Variants in DCAF8L2 observed in about 807,000 individuals in gnomAD.
DCAF8L2 encodes DDB1- and CUL4-associated factor 8-like protein 2.
For synonymous variants in DCAF8L2, 200 were observed against 190.9 expected (o/e 1.05, Z -0.39); for missense variants, 430 against 490.7 (o/e 0.88, Z 1.17).
chrX:27,593,418 G>C (rs1304890699), intron 1 of DCAF8L2, among the ~76,000 whole-genome samples: 4 of 112,086 alleles, frequency 3.6e-5, no homozygotes, highest in African/African-American at 1.3e-4. Context: ...CCTTTTTCAA[G>C]GCAGAATAAT....
intron 4 of DCAF8L2, among the ~76,000 whole-genome samples, chrX:27,728,253 A>AT (rs1920998202): frequency 1.8e-5 from 2 of 111,303 alleles, no homozygotes; most frequent in Non-Finnish European, 3.8e-5. Flanking sequence ...ATTTAACACA[A>AT]TTTTTTTACA....
At chrX:27,502,659 T>G in the DCAF8L2 span, among the ~76,000 whole-genome samples, 1 of 110,036 alleles carries the variant, frequency 9.1e-6, no homozygotes, top group Non-Finnish European at 1.9e-5. Context: ...AAATCTATGT[T>G]TAAAACTTCA....
chrX:27,579,398 C>T, the DCAF8L2 span, among the ~76,000 whole-genome samples: 4 of 109,040 alleles, frequency 3.7e-5, no homozygotes, highest in East Asian at 2.9e-4. Context: ...CACACATTGG[C>T]GCCTGTTGGG....
chrX:27,497,797 G>A, the DCAF8L2 span, among the ~76,000 whole-genome samples: 1 of 111,448 alleles, frequency 9.0e-6, no homozygotes, highest in Non-Finnish European at 1.9e-5. Context: ...TCAAACTCCT[G>A]ACCTCGTGAT....
chrX:27,592,869 G>T (rs889246191), intron 1 of DCAF8L2, among the ~76,000 whole-genome samples: 1 of 108,549 alleles, frequency 9.2e-6, no homozygotes, highest in Non-Finnish European at 1.9e-5. Context: ...CACAGTCTTG[G>T]CTCACTGCAA....
intron 2 of DCAF8L2, among the ~76,000 whole-genome samples, chrX:27,662,863 T>C (rs1929603762): frequency 8.9e-6 from 1 of 111,779 alleles, no homozygotes; most frequent in African/African-American, 3.2e-5. Context: ...ATTGATCTGA[T>C]GCACAGAAGT....
chrX:27,694,933 A>G lies in DCAF8L2; in HGVS notation c.-143+17021A>G, dbSNP rs73532471. Among the ~76,000 whole-genome samples the G allele has an allele frequency of 4.1e-3, 461 of 112,263 alleles. 1 individual carries two copies. Among genetic ancestry groups the G allele is most frequent in the African/African-American group, 0.014 (436 of 30,985 alleles). On this transcript the variant is annotated intron_variant, in intron 3 of 4. Transcript: ENST00000451261. ...AATAACACTCCAACTACACTGTAGGATATTTTTATTCAAGAAGGACCACCT... is the reference window on the plus strand; with the variant it reads ...AATAACACTCCAACTACACTGTAGGGTATTTTTATTCAAGAAGGACCACCT...
At chrX:27,519,616 A>ACTC in the DCAF8L2 span, 1 of 646,210 alleles carries the variant, frequency 1.5e-6, no homozygotes, top group Non-Finnish European at 2.6e-6. Context: ...TGATGAGAAT[A>ACTC]ATGCTGAGGC....
At chrX:27,623,685 C>T (rs895317305) in intron 1 of DCAF8L2, among the ~76,000 whole-genome samples, 1 of 110,533 alleles carries the variant, frequency 9.0e-6, no homozygotes, top group East Asian at 2.8e-4. Flanking sequence ...CATAGCAGCC[C>T]GAGTATGATT....
Position 27,620,140 on chromosome X carries a change from A to G in DCAF8L2, c.-341-11739A>G, listed in dbSNP as rs5971416. 7.0e-3 allele frequency among the ~76,000 whole-genome samples: 788 copies of G among 112,018 alleles called. 6 individuals are homozygous for G. Among genetic ancestry groups the G allele is most frequent in the Non-Finnish European group, 0.011 (592 of 53,146 alleles). On this transcript the variant is annotated intron_variant, in intron 1 of 4. Transcript: ENST00000451261. ...TCATATATACATTGACAAAAATTTG[A>G]GAGCTCAATATCACCCTCTGTTGGC...
At chrX:27,531,989 C>T in the DCAF8L2 span, among the ~76,000 whole-genome samples, 1 of 110,406 alleles carries the variant, frequency 9.1e-6, no homozygotes, top group Non-Finnish European at 1.9e-5. Flanking sequence ...CTAACCTGAT[C>T]AAAGAATTGG....
the DCAF8L2 span, among the ~76,000 whole-genome samples, chrX:27,494,039 T>C: frequency 8.9e-6 from 1 of 112,173 alleles, no homozygotes; most frequent in South Asian, 3.7e-4. Flanking sequence ...TTTTGGTTAC[T>C]ACATATAATG....
At chrX:27,579,653 C>A in the DCAF8L2 span, among the ~76,000 whole-genome samples, 1 of 107,619 alleles carries the variant, frequency 9.3e-6, no homozygotes, top group Non-Finnish European at 1.9e-5. Context: ...CACACACACA[C>A]ACACACACAA....
chrX:27,740,711 C>T lies in DCAF8L2; in HGVS notation c.-58-6127C>T, dbSNP rs144297187. 4.0e-3 allele frequency among the ~76,000 whole-genome samples: 452 copies of T among 111,794 alleles called. 6 individuals are homozygous for T. Among genetic ancestry groups the T allele is most frequent in the African/African-American group, 0.014 (431 of 30,745 alleles). On this transcript the variant is annotated intron_variant, in intron 4 of 4. Coordinates refer to ENST00000451261, the MANE Select transcript of DCAF8L2 (RefSeq NM_001353450.2). ...ATAAGGAATGTTCTTACCCTAGGTA[C>T]TTAAGGATCTATTTCTCTTTTCATT... is the stretch of plus-strand genomic sequence containing the variant.
chrX:27,584,616 A>C, the DCAF8L2 span, among the ~76,000 whole-genome samples: 1 of 111,490 alleles, frequency 9.0e-6, no homozygotes, highest in African/African-American at 3.3e-5. Flanking sequence ...TAGAATTTTG[A>C]GTTTTATATA....
chrX:27,749,325 C>T lies in DCAF8L2; in HGVS notation c.*534C>T, dbSNP rs1043449273. 8.9e-6 allele frequency among the ~76,000 whole-genome samples: 1 copy of T among 111,799 alleles called. No homozygotes were observed. Among genetic ancestry groups the T allele is most frequent in the African/African-American group, 3.3e-5 (1 of 30,728 alleles). ...ATACTGACACTTGGCCGCACACACA[C>T]AGTCTCAGAAAAGGAAAAGAGAAGT... On this transcript the variant is annotated 3_prime_UTR_variant, in exon 5 of 5. Transcript: ENST00000451261.
At chrX:27,521,563 G>A in the DCAF8L2 span, among the ~76,000 whole-genome samples, 1 of 112,099 alleles carries the variant, frequency 8.9e-6, no homozygotes, top group Non-Finnish European at 1.9e-5. Context: ...ATTGGAATAC[G>A]TGGTTTCACT....
At chrX:27,577,000 T>C in the DCAF8L2 span, among the ~76,000 whole-genome samples, 4 of 112,071 alleles carry the variant, frequency 3.6e-5, no homozygotes, top group African/African-American at 1.3e-4. Flanking sequence ...TGGAAATTTC[T>C]TAATACATTT....
Position 27,748,970 on chromosome X carries a change from A to C in DCAF8L2, c.*179A>C. On this transcript the variant is annotated 3_prime_UTR_variant, in exon 5 of 5. Transcript: ENST00000451261. The stretch of plus-strand genomic sequence containing the variant: ...CTCTCTACTTTCCTTTCTTTCTTCC[A>C]CACATTCTTTCTCTCATTCCTTTCC... 1.7e-6 allele frequency: 1 copy of C among 579,719 alleles called. No homozygotes were observed. The highest frequency in any genetic ancestry group is 2.5e-6 in the Non-Finnish European group (1 of 394,739). 47.8% of individuals were successfully genotyped at this position (579,719 alleles called of 1,213,427 possible). A position where few individuals can be genotyped will look rare whatever the true frequency, so the allele number is the denominator to read the frequency against.
Sources: allele counts gnomAD v4.1 joint callset (sites outside exome capture counted in the v4.1 genomes callset), GRCh38; gene constraint gnomAD v4.1.1; transcripts MANE v1.5; gene names NCBI Gene and HGNC (gene_info 2026-07-23, HGNC 2026-07-21).